The following TLL1 variants were observed in gnomAD, a reference collection of about 807,000 sequenced individuals.
TLL1 encodes tolloid-like protein 1.
A neutral mutation model predicts 128.2 loss-of-function variants in TLL1; 49 were observed. The observed-to-expected ratio is 0.38, with a 90% confidence interval of 0.30 to 0.48. The LOEUF (loss-of-function observed/expected upper bound fraction) is 0.48, where lower values mean the gene tolerates loss of function less well. TLL1 is among the 20% of genes least tolerant of loss of function. The pLI, the probability that TLL1 is intolerant of heterozygous loss-of-function variation, is 0.96. For missense variants in TLL1, 1,123 were observed against 1,242.0 expected, an observed-to-expected ratio of 0.90 and a Z score of 1.44; for synonymous variants, 454 against 418.8, an observed-to-expected ratio of 1.08 and a Z score of -1.03.
chr4:165,970,704 A>G (rs551181146), intron 1 of TLL1, among the ~76,000 whole-genome samples: 1 of 152,338 alleles, frequency 6.6e-6, no homozygotes, highest in African/African-American at 2.4e-5. Context: ...CACGATAATG[A>G]TTCTAAAGTC....
intron 18 of TLL1, among the ~76,000 whole-genome samples, chr4:166,087,769 G>A (rs1228276101): frequency 1.3e-5 from 2 of 152,124 alleles, no homozygotes; most frequent in Non-Finnish European, 1.5e-5. Flanking sequence ...TGGAAGCCTG[G>A]CCAGGGGCCA....
At chr4:166,099,960 G>T (rs1222946075) in intron 20 of TLL1, among the ~76,000 whole-genome samples, 1 of 152,126 alleles carries the variant, frequency 6.6e-6, no homozygotes, top group African/African-American at 2.4e-5. Context: ...TGGAGGCGGT[G>T]GCAGGGTCAG....
intron 1 of TLL1, among the ~76,000 whole-genome samples, chr4:165,883,700 C>G (rs1410279666): frequency 6.6e-6 from 1 of 152,114 alleles, no homozygotes; most frequent in Non-Finnish European, 1.5e-5. Context: ...TTTATGAAAT[C>G]ATTTGTGGGA....
At chr4:166,006,877 G>A (rs1407534986) in intron 6 of TLL1, among the ~76,000 whole-genome samples, 1 of 151,572 alleles carries the variant, frequency 6.6e-6, no homozygotes, top group African/African-American at 2.4e-5. Context: ...ATCACGTATT[G>A]GAGAGACATA....
intron 17 of TLL1, among the ~76,000 whole-genome samples, chr4:166,077,074 A>G (rs113999691): frequency 0.013 from 1,919 of 152,298 alleles, 50 homozygotes; most frequent in African/African-American, 0.043. Context: ...TGGGATACAC[A>G]GTACCTAACA....
At chr4:166,042,205 T>C in intron 11 of TLL1, 62 bp downstream of exon 11, 1 of 1,075,570 alleles carries the variant, frequency 9.3e-7, no homozygotes, top group Non-Finnish European at 1.4e-6. Flanking sequence ...TGTTCGTTTC[T>C]TAATTTCATT....
At chr4:165,900,388 A>G (rs1308559058) in intron 1 of TLL1, among the ~76,000 whole-genome samples, 14 of 151,906 alleles carry the variant, frequency 9.2e-5, no homozygotes, top group Non-Finnish European at 1.5e-4. Context: ...TTTCCTTTCC[A>G]TATTTAGTGC....
chr4:166,103,204 T>A lies in TLL1; in HGVS notation c.*2328T>A, dbSNP rs1169573048. 1 of 151,852 alleles carries A rather than the reference T, an allele frequency of 6.6e-6. No homozygotes were observed. The highest frequency in any genetic ancestry group is 2.4e-5 in the African/African-American group (1 of 41,408). 9.4% of individuals were successfully genotyped at this position (151,852 alleles called of 1,614,324 possible). On this transcript the variant is annotated 3_prime_UTR_variant, in exon 21 of 21. Transcript: ENST00000061240. ...AGGTAGTAGAATCAATCTCGACCTA[T>A]ATAAATAGTAGATTTTTTATGGTGA...
chr4:165,939,943 T>A (rs1359648659), intron 1 of TLL1, among the ~76,000 whole-genome samples: 1 of 152,054 alleles, frequency 6.6e-6, no homozygotes, highest in African/African-American at 2.4e-5. Flanking sequence ...GAATTTTCTT[T>A]CCTTTGATTT....
intron 15 of TLL1, among the ~76,000 whole-genome samples, chr4:166,062,626 G>C (rs1740375253): frequency 6.6e-6 from 1 of 152,136 alleles, no homozygotes; most frequent in Admixed American, 6.6e-5. Flanking sequence ...GGGCAGAGAT[G>C]ATGGAGTTTT....
At chr4:166,096,908 A>T (rs1225298120) in intron 19 of TLL1, among the ~76,000 whole-genome samples, 1 of 152,098 alleles carries the variant, frequency 6.6e-6, no homozygotes, top group Non-Finnish European at 1.5e-5. Flanking sequence ...ATTGTTGTTC[A>T]ATTTTCCTGG....
intron 1 of TLL1, among the ~76,000 whole-genome samples, chr4:165,930,440 T>C (rs1204633985): frequency 1.3e-5 from 2 of 152,194 alleles, no homozygotes; most frequent in Non-Finnish European, 2.9e-5. Context: ...AGATTTTGCT[T>C]TCTAAATGAA....
intron 18 of TLL1, 35 bp from the exon 19 acceptor site, chr4:166,091,089 GTTTT>G (rs33952157): frequency 2.1e-5 from 33 of 1,555,258 alleles, no homozygotes; most frequent in Admixed American, 1.2e-4. Flanking sequence ...TGAGTGATTT[GTTTT>G]TTTTTAAAAA....
At chr4:165,935,057 T>A (rs1483063064) in intron 1 of TLL1, among the ~76,000 whole-genome samples, 1 of 152,166 alleles carries the variant, frequency 6.6e-6, no homozygotes, top group East Asian at 1.9e-4. Flanking sequence ...GCCTTAACTG[T>A]TTCTAGGCAC....
At chr4:165,952,376 G>C (rs554285405) in intron 1 of TLL1, among the ~76,000 whole-genome samples, 1 of 152,184 alleles carries the variant, frequency 6.6e-6, no homozygotes, top group South Asian at 2.1e-4. Flanking sequence ...ATTGTATTCT[G>C]GTTTTGAAGA....
At chr4:166,016,167 C>T (rs371300039) in intron 8 of TLL1, among the ~76,000 whole-genome samples, 15 of 151,954 alleles carry the variant, frequency 9.9e-5, no homozygotes, top group Admixed American at 3.9e-4. Context: ...ATGTAAGATA[C>T]ACATGTATAT....
At chr4:166,082,630 C>T (rs1293278882) in intron 18 of TLL1, among the ~76,000 whole-genome samples, 1 of 151,970 alleles carries the variant, frequency 6.6e-6, no homozygotes, top group Admixed American at 6.6e-5. Flanking sequence ...AAAATAAAAG[C>T]ATTTTGCCTG....
intron 1 of TLL1, among the ~76,000 whole-genome samples, chr4:165,927,789 A>G (rs1733343319): frequency 6.6e-6 from 1 of 152,036 alleles, no homozygotes. Flanking sequence ...TAAATAACCC[A>G]CAATGCAAAG....
intron 1 of TLL1, among the ~76,000 whole-genome samples, chr4:165,983,356 C>A (rs1736240366): frequency 6.6e-6 from 1 of 151,762 alleles, no homozygotes; most frequent in Admixed American, 6.6e-5. Context: ...GGAAATTTAG[C>A]ATTTAATCAT....
Sources: allele counts gnomAD v4.1 joint callset (sites outside exome capture counted in the v4.1 genomes callset), GRCh38; gene constraint gnomAD v4.1.1; transcripts MANE v1.5; gene names NCBI Gene and HGNC (gene_info 2026-07-23, HGNC 2026-07-21).